SPOCK3: variants seen among roughly 807,000 people sequenced by gnomAD.
SPOCK3 encodes the protein testican-3.
SPOCK3 carries 30 observed loss-of-function variants against 56.6 expected under a neutral mutation model. The ratio of observed to expected loss-of-function variants is 0.53; its 90% CI spans 0.40 to 0.72. The LOEUF is 0.72. Ranked by LOEUF, SPOCK3 falls within the 30% of genes least tolerant of loss-of-function variation. SPOCK3 has a pLI of 0.00. For missense variants in SPOCK3, 527 were observed against 530.0 expected, an observed-to-expected ratio of 0.99 and a Z score of 0.06; for synonymous variants, 196 against 183.3, an observed-to-expected ratio of 1.07 and a Z score of -0.56.
chr4:167,083,242 A>G (rs377028088), intron 2 of SPOCK3: 54 of 765,234 alleles, frequency 7.1e-5, no homozygotes, highest in Non-Finnish European at 1.9e-5. Context: ...GCAAACCTCT[A>G]CTTCCTCAGA....
intron 3 of SPOCK3, among the ~76,000 whole-genome samples, chr4:167,032,920 G>C (rs981670310): frequency 2.0e-5 from 3 of 151,852 alleles, no homozygotes; most frequent in Non-Finnish European, 4.4e-5. Context: ...GGGCCGATTT[G>C]GATTCATCTT....
In SPOCK3 at chr4:166,961,305, C is replaced by T. The variant is rs1579813743; in HGVS notation, c.350+39044G>A. 4.0e-5 allele frequency among the ~76,000 whole-genome samples: 6 copies of T among 151,448 alleles called. No individual in the cohort carries two copies. The East Asian group carries it at 1.2e-3, about 29-fold the overall frequency. ...TGAGTGCATAGAATACATTTGCAGCCATAGAAATGTACAAACATTTTAAGC... is the reference window on the plus strand; with the variant it reads ...TGAGTGCATAGAATACATTTGCAGCTATAGAAATGTACAAACATTTTAAGC... On this transcript the variant is annotated intron_variant, in intron 4 of 10. Transcript: ENST00000357545.
At chr4:166,806,747 T>A (rs28736843) in intron 6 of SPOCK3, among the ~76,000 whole-genome samples, 22,325 of 151,884 alleles carry the variant, frequency 0.15, 1,936 homozygotes, top group African/African-American at 0.23. Flanking sequence ...CCTATAATTA[T>A]GGTTCAAATA....
At chr4:166,942,090 T>A (rs1402375560) in intron 4 of SPOCK3, among the ~76,000 whole-genome samples, 2 of 152,246 alleles carry the variant, frequency 1.3e-5, no homozygotes, top group Admixed American at 1.3e-4. Context: ...TATAAACACT[T>A]AAATGTTACT....
At chr4:166,980,331 A>G (rs1163716335) in intron 4 of SPOCK3, among the ~76,000 whole-genome samples, 3 of 152,236 alleles carry the variant, frequency 2.0e-5, no homozygotes, top group Non-Finnish European at 2.9e-5. Context: ...GAGATACAAT[A>G]ATATCTTCTT....
chr4:166,864,362 G>A (rs4859997), intron 6 of SPOCK3, among the ~76,000 whole-genome samples: 90,495 of 151,938 alleles, frequency 0.6, 27,956 homozygotes, highest in South Asian at 0.72. Context: ...TGGACATCAC[G>A]GTTAAAAGAA....
chr4:167,096,958 T>C (rs1023661483), intron 2 of SPOCK3, among the ~76,000 whole-genome samples: 1 of 151,848 alleles, frequency 6.6e-6, no homozygotes. Context: ...CATACATGTT[T>C]AGTATTGTTA....
intron 7 of SPOCK3, among the ~76,000 whole-genome samples, chr4:166,755,788 A>T (rs962192179): frequency 3.5e-4 from 48 of 138,342 alleles, no homozygotes; most frequent in Non-Finnish European, 6.0e-4. Context: ...ATGTTCTAGT[A>T]ATACAAAATC....
intron 8 of SPOCK3, among the ~76,000 whole-genome samples, chr4:166,744,346 C>A (rs1484175954): frequency 6.6e-6 from 1 of 152,136 alleles, no homozygotes; most frequent in Non-Finnish European, 1.5e-5. Flanking sequence ...CAAACAGGGT[C>A]TGGAGTGGAC....
At chr4:167,086,992 T>C (rs1208290894) in intron 2 of SPOCK3, among the ~76,000 whole-genome samples, 1 of 152,132 alleles carries the variant, frequency 6.6e-6, no homozygotes, top group Non-Finnish European at 1.5e-5. Context: ...ATAGCAATCA[T>C]GATGCAGGAA....
intron 2 of SPOCK3, among the ~76,000 whole-genome samples, chr4:167,143,416 A>G (rs1763689621): frequency 6.6e-6 from 1 of 152,042 alleles, no homozygotes; most frequent in Non-Finnish European, 1.5e-5. Flanking sequence ...TTTTTATTAC[A>G]AATTAAATAA....
intron 3 of SPOCK3, among the ~76,000 whole-genome samples, chr4:167,027,880 C>T (rs1208301820): frequency 2.0e-5 from 3 of 152,070 alleles, no homozygotes; most frequent in East Asian, 2.0e-4. Context: ...GTTGAGGAAA[C>T]ACACAGTTCA....
chr4:166,881,224 AT>A (rs899101945), intron 6 of SPOCK3, among the ~76,000 whole-genome samples: 72 of 151,800 alleles, frequency 4.7e-4, no homozygotes, highest in African/African-American at 1.2e-3. Flanking sequence ...ACATAATTGC[AT>A]TTTTTTTCCT....
chr4:166,880,590 C>G (rs1335222337), intron 6 of SPOCK3, among the ~76,000 whole-genome samples: 5 of 152,096 alleles, frequency 3.3e-5, no homozygotes, highest in African/African-American at 1.2e-4. Context: ...ACACTGTGTC[C>G]AATATTGAAC....
intron 2 of SPOCK3, among the ~76,000 whole-genome samples, chr4:167,167,828 T>C (rs1730124232): frequency 6.6e-6 from 1 of 152,106 alleles, no homozygotes; most frequent in Non-Finnish European, 1.5e-5. Flanking sequence ...CTTTAACATA[T>C]GTATGAATAG....
intron 4 of SPOCK3, among the ~76,000 whole-genome samples, chr4:166,961,883 G>A (rs1312279832): frequency 1.3e-5 from 2 of 152,124 alleles, no homozygotes; most frequent in Non-Finnish European, 2.9e-5. Context: ...AGAAATGAGA[G>A]TCATTATCAT....
At chr4:167,101,628 C>T (rs1561215700) in intron 2 of SPOCK3, among the ~76,000 whole-genome samples, 1 of 152,064 alleles carries the variant, frequency 6.6e-6, no homozygotes, top group Non-Finnish European at 1.5e-5. Context: ...AACCACTACT[C>T]CTATCTCTCC....
intron 8 of SPOCK3, among the ~76,000 whole-genome samples, chr4:166,747,785 A>C (rs1735842638): frequency 1.3e-5 from 2 of 152,088 alleles, no homozygotes; most frequent in African/African-American, 2.4e-5. Flanking sequence ...ACTTCAGCAA[A>C]GTCTCAGGAT....
intron 2 of SPOCK3, among the ~76,000 whole-genome samples, chr4:167,154,226 A>T (rs1422540865): frequency 6.6e-6 from 1 of 152,064 alleles, no homozygotes; most frequent in Non-Finnish European, 1.5e-5. Context: ...GCGTGCACAC[A>T]CACACACAAT....
Sources: gnomAD v4.1 joint callset for allele counts (sites outside exome capture counted in the v4.1 genomes callset) on GRCh38, gnomAD v4.1.1 for gene constraint, MANE v1.5 for transcripts, NCBI Gene and HGNC (gene_info 2026-07-23, HGNC 2026-07-21) for gene names.